The following RERE variants were observed in gnomAD, a reference collection of about 807,000 sequenced individuals.
The protein encoded by RERE is arginine-glutamic acid dipeptide repeats, also known as arginine-glutamic acid dipeptide repeats protein.
In RERE, 40 loss-of-function variants were observed where a neutral mutation model predicts 146.1. The observed-to-expected ratio is 0.27, with a 90% CI of 0.21 to 0.36. The LOEUF is 0.36. Ranked by LOEUF, RERE falls within the 10% of genes least tolerant of loss-of-function variation. The pLI, the probability that RERE is intolerant of heterozygous loss-of-function variation, is 1.00. For synonymous variants in RERE, 1,003 were observed against 866.0 expected (o/e 1.16, Z -2.78); for missense variants, 1,933 against 2,138.7 (o/e 0.90, Z 1.90).
chr1:8,623,166 G>A (rs560405168), intron 3 of RERE, among the ~76,000 whole-genome samples: 14 of 152,224 alleles, frequency 9.2e-5, no homozygotes, highest in South Asian at 6.2e-4. Flanking sequence ...AGTGGTTCCC[G>A]GCTGGCATGG....
At chr1:8,429,506 C>T (rs1644064288) in intron 11 of RERE, among the ~76,000 whole-genome samples, 1 of 152,198 alleles carries the variant, frequency 6.6e-6, no homozygotes. Context: ...TGGCGTCATC[C>T]CAGGTGCTGG....
At chr1:8,427,203 C>G (rs1644026786) in intron 11 of RERE, among the ~76,000 whole-genome samples, 1 of 152,086 alleles carries the variant, frequency 6.6e-6, no homozygotes, top group Non-Finnish European at 1.5e-5. Flanking sequence ...AGGGTGGTCA[C>G]AGTGGAAATG....
intron 4 of RERE, among the ~76,000 whole-genome samples, chr1:8,576,400 T>C (rs1409546991): frequency 1.3e-5 from 2 of 152,174 alleles, no homozygotes; most frequent in East Asian, 3.8e-4. Flanking sequence ...AGAAGAAAGT[T>C]ACATGTAACT....
At chr1:8,797,221 G>A (rs1569818382) in intron 1 of RERE, among the ~76,000 whole-genome samples, 1 of 152,158 alleles carries the variant, frequency 6.6e-6, no homozygotes, top group East Asian at 1.9e-4. Flanking sequence ...ATTAAAAGTT[G>A]TTTTAATTGA....
At chr1:8,729,318 G>A (rs1451436460) in intron 1 of RERE, among the ~76,000 whole-genome samples, 1 of 148,822 alleles carries the variant, frequency 6.7e-6, no homozygotes, top group East Asian at 2.0e-4. Flanking sequence ...CTGCCTCCCT[G>A]GTTTCAAGTG....
chr1:8,770,079 C>T lies in RERE; in HGVS notation c.-145+47081G>A, dbSNP rs145230557. Among the ~76,000 whole-genome samples the T allele has an allele frequency of 2.7e-4, 41 of 152,214 alleles. No individual in the cohort carries two copies. In the Middle Eastern group the frequency reaches 0.014, roughly 51 times the overall value. On this transcript the variant is annotated intron_variant, in intron 1 of 22. Coordinates refer to ENST00000400908, the MANE Select transcript of RERE (RefSeq NM_001042681.2). ...TGCTGAGATAACAGGCGTGAGCCAC[C>T]GCGCCCGGCCAACACCATTAATTTT...
At chr1:8,428,081 T>C (rs887839215) in intron 11 of RERE, among the ~76,000 whole-genome samples, 23 of 152,248 alleles carry the variant, frequency 1.5e-4, no homozygotes, top group Admixed American at 2.0e-4. Flanking sequence ...GTCTCATGAA[T>C]TATTTCTGTG....
intron 12 of RERE, among the ~76,000 whole-genome samples, chr1:8,371,224 T>G (rs1642023190): frequency 6.6e-6 from 1 of 152,192 alleles, no homozygotes. Context: ...TTCCTTTTTC[T>G]TTTGGCGGTG....
chr1:8,785,002 A>T (rs1273483756), intron 1 of RERE, among the ~76,000 whole-genome samples: 1 of 152,216 alleles, frequency 6.6e-6, no homozygotes, highest in African/African-American at 2.4e-5. Flanking sequence ...AAAGTTCCAC[A>T]CAGCTCAAGA....
intron 4 of RERE, among the ~76,000 whole-genome samples, chr1:8,598,467 G>A (rs1646582067): frequency 6.6e-6 from 1 of 152,164 alleles, no homozygotes; most frequent in Admixed American, 6.5e-5. Flanking sequence ...AGGCAGCACG[G>A]TTCTCTCCAA....
chr1:8,456,447 A>G (rs1644454203), intron 11 of RERE, among the ~76,000 whole-genome samples: 1 of 152,242 alleles, frequency 6.6e-6, no homozygotes, highest in South Asian at 2.1e-4. Flanking sequence ...ACCAGTTACA[A>G]AACAAAAACG....
intron 3 of RERE, among the ~76,000 whole-genome samples, chr1:8,615,943 TCTCATGGCCTCAGTGATA>T (rs1274932375): frequency 1.1e-4 from 16 of 152,148 alleles, no homozygotes; most frequent in Admixed American, 9.2e-4. Flanking sequence ...AGTCTCTGAT[TCTCATGGCCTCAGTGATA>T]GTATAGCTGA....
chr1:8,558,046 CCA>C (rs1251063654), intron 4 of RERE, among the ~76,000 whole-genome samples: 1 of 152,130 alleles, frequency 6.6e-6, no homozygotes, highest in African/African-American at 2.4e-5. Flanking sequence ...CACTGTTTAG[CCA>C]CAGTTATTGT....
At chr1:8,545,326 G>C (rs922694827) in intron 6 of RERE, among the ~76,000 whole-genome samples, 2 of 152,138 alleles carry the variant, frequency 1.3e-5, no homozygotes, top group Admixed American at 1.3e-4. Context: ...CTTCCGAGTG[G>C]GGCGGGCCCC....
chr1:8,716,756 C>T (rs1368461557), intron 1 of RERE, among the ~76,000 whole-genome samples: 2 of 151,710 alleles, frequency 1.3e-5, no homozygotes, highest in Non-Finnish European at 2.9e-5. Context: ...AATTCACTAA[C>T]CCATGTGCTT....
chr1:8,396,186 G>T (rs1374294532), intron 12 of RERE, among the ~76,000 whole-genome samples: 1 of 152,154 alleles, frequency 6.6e-6, no homozygotes, highest in Non-Finnish European at 1.5e-5. Context: ...CAGGAAAGTG[G>T]GAGGGGGGAA....
intron 1 of RERE, among the ~76,000 whole-genome samples, chr1:8,721,800 C>T (rs1639869436): frequency 6.6e-6 from 1 of 152,064 alleles, no homozygotes; most frequent in Non-Finnish European, 1.5e-5. Context: ...AAGATGGGTC[C>T]CTCAGTGCTA....
At chr1:8,572,067 T>C (rs1441493795) in intron 4 of RERE, among the ~76,000 whole-genome samples, 2 of 152,250 alleles carry the variant, frequency 1.3e-5, no homozygotes, top group African/African-American at 4.8e-5. Context: ...TGTCATCTTT[T>C]TTCAAAAACA....
At chr1:8,700,261 T>C (rs1385277141) in intron 1 of RERE, among the ~76,000 whole-genome samples, 1 of 151,734 alleles carries the variant, frequency 6.6e-6, no homozygotes, top group Non-Finnish European at 1.5e-5. Flanking sequence ...GCCGAGACCA[T>C]GCCATTGCAC....
Sources: gnomAD v4.1 joint callset for allele counts (sites outside exome capture counted in the v4.1 genomes callset) on GRCh38, gnomAD v4.1.1 for gene constraint, MANE v1.5 for transcripts, NCBI Gene and HGNC (gene_info 2026-07-23, HGNC 2026-07-21) for gene names.